Variants in CEP112 observed in about 807,000 individuals in gnomAD.
The protein encoded by CEP112 is centrosomal protein 112.
Under a neutral mutation model 153.0 loss-of-function variants are expected in CEP112, and 127 were observed. That is an observed-to-expected ratio of 0.83 (90% CI 0.72 to 0.96). The LOEUF (loss-of-function observed/expected upper bound fraction) is 0.96, where lower values mean the gene tolerates loss of function less well. Ranked by LOEUF, CEP112 falls within the 40% of genes least tolerant of loss-of-function variation. CEP112 has a pLI of 0.00. For missense variants in CEP112, 1,089 were observed against 1,101.2 expected, an observed-to-expected ratio of 0.99 and a Z score of 0.16; for synonymous variants, 358 against 374.4, an observed-to-expected ratio of 0.96 and a Z score of 0.51.
chr17:65,788,618 G>A (rs182469537), intron 21 of CEP112, among the ~76,000 whole-genome samples: 4 of 151,846 alleles, frequency 2.6e-5, no homozygotes, highest in East Asian at 1.9e-4. Flanking sequence ...ATTTAATCAC[G>A]TTTTCTAAAA....
intron 20 of CEP112, among the ~76,000 whole-genome samples, chr17:65,864,913 AGTGTGTGTGTGTGT>A (rs6146121): frequency 0.028 from 3,985 of 144,530 alleles, 67 homozygotes; most frequent in African/African-American, 0.045. Flanking sequence ...GGGGTAAGCA[AGTGTGTGTGTGTGT>A]GTGTGTGTGT....
At chr17:65,872,611 C>G (rs1328813286) in intron 20 of CEP112, among the ~76,000 whole-genome samples, 1 of 152,028 alleles carries the variant, frequency 6.6e-6, no homozygotes, top group African/African-American at 2.4e-5. Flanking sequence ...ACAAAAACTA[C>G]CTAGATCAAA....
At chr17:65,696,999 G>C (rs1253461546) in intron 23 of CEP112, among the ~76,000 whole-genome samples, 1 of 152,136 alleles carries the variant, frequency 6.6e-6, no homozygotes, top group Non-Finnish European at 1.5e-5. Flanking sequence ...AGGGGGGTAG[G>C]ATGTGCATAT....
intron 19 of CEP112, among the ~76,000 whole-genome samples, chr17:65,923,527 A>G (rs1484240475): frequency 6.6e-6 from 1 of 152,218 alleles, no homozygotes; most frequent in African/African-American, 2.4e-5. Context: ...CCTGGGAGAC[A>G]GAGCAAGACC....
At chr17:65,892,136 C>T (rs534594478) in intron 20 of CEP112, among the ~76,000 whole-genome samples, 1 of 152,302 alleles carries the variant, frequency 6.6e-6, no homozygotes, top group East Asian at 1.9e-4. Flanking sequence ...CCCTGTACAA[C>T]TCTGGGGCAA....
intron 4 of CEP112, among the ~76,000 whole-genome samples, chr17:66,149,574 A>T (rs1482968511): frequency 1.3e-5 from 2 of 152,028 alleles, no homozygotes; most frequent in African/African-American, 4.8e-5. Context: ...TGTTGTGAGA[A>T]ATTTGTTCAT....
intron 20 of CEP112, among the ~76,000 whole-genome samples, chr17:65,869,092 C>G (rs1453402734): frequency 6.6e-6 from 1 of 152,198 alleles, no homozygotes; most frequent in Non-Finnish European, 1.5e-5. Flanking sequence ...TAGGTCAGCA[C>G]ATTTTCTATT....
chr17:66,106,709 G>A (rs531256954), intron 6 of CEP112, among the ~76,000 whole-genome samples: 33 of 151,804 alleles, frequency 2.2e-4, no homozygotes, highest in African/African-American at 6.0e-4. Context: ...GAATTTTATC[G>A]AAAATTTAAA....
At chr17:65,967,365 C>T (rs2062452043) in intron 17 of CEP112, among the ~76,000 whole-genome samples, 1 of 152,210 alleles carries the variant, frequency 6.6e-6, no homozygotes, top group Non-Finnish European at 1.5e-5. Flanking sequence ...CTAGTTCTGG[C>T]ATCAACTTTG....
intron 21 of CEP112, among the ~76,000 whole-genome samples, chr17:65,830,770 CT>C (rs1422949212): frequency 6.6e-6 from 1 of 152,122 alleles, no homozygotes; most frequent in Non-Finnish European, 1.5e-5. Context: ...CTGCTTAAGT[CT>C]TCCTTACACT....
intron 4 of CEP112, among the ~76,000 whole-genome samples, chr17:66,165,463 T>C (rs748154096): frequency 2.6e-5 from 4 of 152,172 alleles, no homozygotes; most frequent in Non-Finnish European, 5.9e-5. Context: ...ATAAAATGAA[T>C]GTACTTTTGG....
At chr17:65,747,063 A>T (rs919940795) in intron 22 of CEP112, among the ~76,000 whole-genome samples, 5 of 100,778 alleles carry the variant, frequency 5.0e-5, no homozygotes, top group Non-Finnish European at 9.2e-5. Context: ...TAGTGGTCTT[A>T]AAAAAAAAAC....
chr17:65,684,604 A>G lies in CEP112; in HGVS notation c.2697+4525T>C, dbSNP rs1235649371. Among the ~76,000 whole-genome samples the G allele has an allele frequency of 2.0e-5, 3 of 152,242 alleles. No homozygotes were observed. In the East Asian group the frequency reaches 5.8e-4, roughly 29 times the overall value. On this transcript the variant is annotated intron_variant, in intron 24 of 26. Coordinates refer to ENST00000535342, the MANE Select transcript of CEP112 (RefSeq NM_001199165.4). ...AAATTATCTAGTCTCACTGTGAATA[A>G]CGAAACATTGTTTGCTCCCCATTGT...
At chr17:66,009,185 C>T (rs1466557447) in intron 16 of CEP112, among the ~76,000 whole-genome samples, 1 of 109,212 alleles carries the variant, frequency 9.2e-6, no homozygotes, top group Non-Finnish European at 1.8e-5. Context: ...CACTTGTTAT[C>T]CCTTTGTGTG....
chr17:65,768,146 G>C (rs1482309526), intron 21 of CEP112, among the ~76,000 whole-genome samples: 1 of 151,848 alleles, frequency 6.6e-6, no homozygotes. Flanking sequence ...CTGATAACAT[G>C]AACAATCAAT....
intron 19 of CEP112, among the ~76,000 whole-genome samples, chr17:65,912,894 T>C (rs1348794976): frequency 6.6e-6 from 1 of 152,208 alleles, no homozygotes; most frequent in Non-Finnish European, 1.5e-5. Context: ...TTCTAGGTTG[T>C]AAAATTTAGC....
At chr17:65,939,887 T>C (rs924589700) in intron 18 of CEP112, among the ~76,000 whole-genome samples, 2 of 151,824 alleles carry the variant, frequency 1.3e-5, no homozygotes, top group Admixed American at 6.6e-5. Context: ...CACAGACAAA[T>C]GGAATTACAT....
chr17:66,131,234 A>G (rs1442419206), intron 5 of CEP112, among the ~76,000 whole-genome samples: 2 of 152,194 alleles, frequency 1.3e-5, no homozygotes, highest in Non-Finnish European at 2.9e-5. Context: ...AAAATTCATT[A>G]TCACTTCTAC....
At chr17:65,666,048 C>G (rs983513149) in intron 24 of CEP112, among the ~76,000 whole-genome samples, 3 of 152,216 alleles carry the variant, frequency 2.0e-5, no homozygotes, top group African/African-American at 7.2e-5. Flanking sequence ...AACTTGCCTA[C>G]TTTCTGAATT....
Sources: allele counts gnomAD v4.1 joint callset (sites outside exome capture counted in the v4.1 genomes callset), GRCh38; gene constraint gnomAD v4.1.1; transcripts MANE v1.5; gene names NCBI Gene and HGNC (gene_info 2026-07-23, HGNC 2026-07-21).